SFMBT1: variants seen among roughly 807,000 people sequenced by gnomAD.
SFMBT1 encodes Scm like with four mbt domains 1.
In SFMBT1, 32 loss-of-function variants were observed where a neutral mutation model predicts 108.7. The ratio of observed to expected loss-of-function variants is 0.29; its 90% CI spans 0.22 to 0.40. SFMBT1 has a LOEUF of 0.40. SFMBT1 is among the 10% of genes least tolerant of loss of function. SFMBT1 has a pLI of 1.00. For synonymous variants in SFMBT1, 348 were observed against 369.5 expected, an observed-to-expected ratio of 0.94 and a Z score of 0.67; for missense variants, 816 against 1,059.6, an observed-to-expected ratio of 0.77 and a Z score of 3.19.
Position 53,021,635 on chromosome 3 carries a change from A to G in SFMBT1, c.-131+24181T>C, listed in dbSNP as rs1191433265. On this transcript the variant is annotated intron_variant, in intron 1 of 20. Transcript: ENST00000394752. ...AGTCTTATGACCTAAGGCCTTCATC[A>G]GGGCCTTTTTGGGAGAATCGGAAGA... is the stretch of plus-strand genomic sequence containing the variant. Among the ~76,000 whole-genome samples the G allele has an allele frequency of 3.3e-5, 5 of 152,138 alleles. No individual in the cohort carries two copies. In the East Asian group the frequency reaches 7.7e-4, roughly 23 times the overall value.
intron 2 of SFMBT1, among the ~76,000 whole-genome samples, chr3:52,958,590 C>CA (rs1188416403): frequency 1.3e-5 from 2 of 149,748 alleles, no homozygotes; most frequent in Admixed American, 6.7e-5. Flanking sequence ...GACTCTGTCT[C>CA]AAAAAAAATA....
chr3:52,953,782 A>G (rs1444913081), intron 3 of SFMBT1, among the ~76,000 whole-genome samples: 1 of 152,226 alleles, frequency 6.6e-6, no homozygotes, highest in Non-Finnish European at 1.5e-5. Flanking sequence ...GGTCAAAAAG[A>G]TAAGTCATGC....
chr3:52,920,767 A>G, intron 11 of SFMBT1, 117 bp from the exon 12 acceptor site: 3 of 623,706 alleles, frequency 4.8e-6, no homozygotes, highest in Non-Finnish European at 8.3e-6. Context: ...TAATGCAGAC[A>G]CAAGTCTCTT....
chr3:52,986,056 T>C (rs1481715001), intron 1 of SFMBT1, among the ~76,000 whole-genome samples: 2 of 151,046 alleles, frequency 1.3e-5, no homozygotes, highest in Admixed American at 6.6e-5. Context: ...GGCAGGAGAA[T>C]TGCTTGAACC....
chr3:52,931,498 G>C lies in SFMBT1; in HGVS notation c.701-463C>G, dbSNP rs117055919. On this transcript the variant is annotated intron_variant, in intron 6 of 20. Coordinates refer to ENST00000394752, the MANE Select transcript of SFMBT1 (RefSeq NM_016329.4). ...ATGGGTTGGCACAGTAGTCTATGAG[G>C]TATATCAATATGTGTGGTAAATTAT... is the stretch of plus-strand genomic sequence containing the variant. 6.6e-4 allele frequency among the ~76,000 whole-genome samples: 100 copies of C among 152,060 alleles called. No individual in the cohort carries two copies. The East Asian group carries it at 0.017, about 25-fold the overall frequency.
chr3:52,927,675 T>C, intron 9 of SFMBT1, among the ~76,000 whole-genome samples: 1 of 152,098 alleles, frequency 6.6e-6, no homozygotes. Context: ...ATCAGGAAAA[T>C]GAGCTTTTAT....
At position 52,920,636 on chromosome 3, in the gene SFMBT1, T is replaced by C. The variant is rs772770889; in HGVS notation, c.1273A>G (p.Ile425Val). The C allele has an allele frequency of 3.1e-6, 5 of 1,608,516 alleles. No homozygotes were observed. The East Asian group carries it at 8.9e-5, about 29-fold the overall frequency. The change falls in exon 12 of 21, where the codon ATA (isoleucine) becomes GTA (valine). Residue 425 changes from isoleucine (I) to valine (V), a missense_variant. Around this residue, in one of 5 missense-constraint regions of SFMBT1, gnomAD observed 495 missense variants for 607.4 expected, o/e 0.81. Coordinates refer to ENST00000394752, the MANE Select transcript of SFMBT1 (RefSeq NM_016329.4). Reference sequence around the variant, plus strand: ...TCCACACTCACAATACATTCAGGTATAGGCTTCTTAGAACCTGTTTAGATT... The same window carrying C: ...TCCACACTCACAATACATTCAGGTACAGGCTTCTTAGAACCTGTTTAGATT... The part of the protein sequence containing the change: ...WLQLEGSKKP[I>V]PECIVSVESM...
intron 1 of SFMBT1, among the ~76,000 whole-genome samples, chr3:53,029,030 A>G (rs1354912964): frequency 1.3e-5 from 2 of 151,780 alleles, no homozygotes; most frequent in Non-Finnish European, 2.9e-5. Flanking sequence ...AAAATTAGCC[A>G]GGCATGGTGG....
At chr3:52,926,543 G>A (rs889914667) in intron 9 of SFMBT1, among the ~76,000 whole-genome samples, 12 of 152,280 alleles carry the variant, frequency 7.9e-5, no homozygotes, top group Non-Finnish European at 1.2e-4. Context: ...CTGCAAAGAC[G>A]AAGACTTTTT....
rs140429362 is a variant in SFMBT1, at chr3:52,973,696, T to C, written c.-130-4438A>G. Among the ~76,000 whole-genome samples the C allele has an allele frequency of 1.4e-3, 217 of 152,238 alleles. 6 individuals carry two copies. The East Asian group carries it at 0.038, about 27-fold the overall frequency. ...CCCAGGCTGGAGTGCAGTGGCACAATCTCGGCTCACTGCAACCTCTGCCTC... is the reference window on the plus strand; with the variant it reads ...CCCAGGCTGGAGTGCAGTGGCACAACCTCGGCTCACTGCAACCTCTGCCTC... On this transcript the variant is annotated intron_variant, in intron 1 of 20. Transcript: ENST00000394752.
chr3:53,010,581 T>C (rs1485475445), intron 1 of SFMBT1, among the ~76,000 whole-genome samples: 3 of 152,184 alleles, frequency 2.0e-5, no homozygotes, highest in Admixed American at 6.5e-5. Flanking sequence ...AAGGGGGTAA[T>C]TGTGGAGCCA....
At chr3:52,948,898 A>G (rs1453286177) in intron 3 of SFMBT1, among the ~76,000 whole-genome samples, 1 of 8,798 alleles carries the variant, frequency 1.1e-4, no homozygotes, top group African/African-American at 1.7e-4. Flanking sequence ...TCCTGGGCTC[A>G]AGCAATTCTC....
At chr3:53,014,052 T>C (rs1699045947) in intron 1 of SFMBT1, among the ~76,000 whole-genome samples, 1 of 152,190 alleles carries the variant, frequency 6.6e-6, no homozygotes, top group Admixed American at 6.5e-5. Flanking sequence ...ATTTGAAATA[T>C]TCCCATTTTA....
intron 1 of SFMBT1, among the ~76,000 whole-genome samples, chr3:53,026,886 G>C (rs971236975): frequency 2.0e-5 from 3 of 152,082 alleles, no homozygotes; most frequent in Non-Finnish European, 4.4e-5. Flanking sequence ...CTGCAGCCTC[G>C]ACCTCCTGGG....
Position 52,943,624 on chromosome 3 carries a change from C to G in SFMBT1, c.124-31G>C, listed in dbSNP as rs369569348. On this transcript the variant is annotated intron_variant, in intron 3 of 20. Coordinates refer to ENST00000394752, the MANE Select transcript of SFMBT1 (RefSeq NM_016329.4). ...CAGGGAAATGTTATTAAGCACCAGA[C>G]AAGTATCTTAAATGAGTATTTCTTT... 4 of 1,613,984 alleles carry G rather than the reference C, an allele frequency of 2.5e-6. No homozygotes were observed. The East Asian group carries it at 6.7e-5, about 27-fold the overall frequency.
chr3:52,980,221 T>C (rs1235293367), intron 1 of SFMBT1, among the ~76,000 whole-genome samples: 4 of 152,158 alleles, frequency 2.6e-5, no homozygotes, highest in Admixed American at 2.0e-4. Context: ...CAGTTTTACA[T>C]CATAACTACA....
At chr3:53,027,289 C>T (rs1229340421) in intron 1 of SFMBT1, among the ~76,000 whole-genome samples, 1 of 152,102 alleles carries the variant, frequency 6.6e-6, no homozygotes. Context: ...TTAGCCCATT[C>T]CCCCACCCCC....
intron 1 of SFMBT1, among the ~76,000 whole-genome samples, chr3:53,026,205 T>A (rs1227135909): frequency 6.6e-6 from 1 of 152,222 alleles, no homozygotes; most frequent in African/African-American, 2.4e-5. Flanking sequence ...CTTACAAGTA[T>A]CAACAGTAAA....
rs1025395464 is a variant in SFMBT1, at chr3:52,993,098, G to GT, written c.-130-23841dup. On this transcript the variant is annotated intron_variant, in intron 1 of 20. Transcript: ENST00000394752. ...CTGAAAATATAATGCTGTATCAGTT[G>GT]TTTTTTTTTTAAGCAGCTCAAAAAA... Among the ~76,000 whole-genome samples, 421 of 147,642 alleles carry GT rather than the reference G, an allele frequency of 2.9e-3. 4 individuals carry two copies. The highest frequency in any genetic ancestry group is 7.1e-3 in the Middle Eastern group (2 of 280).
Sources: gnomAD v4.1 joint callset for allele counts (sites outside exome capture counted in the v4.1 genomes callset) on GRCh38, gnomAD v4.1.1 for gene constraint, gnomAD v4.1.1 regional missense constraint, MANE v1.5 for transcripts, NCBI Gene and HGNC (gene_info 2026-07-23, HGNC 2026-07-21) for gene names.